Variants in AUTS2 observed in about 807,000 individuals in gnomAD.
AUTS2 encodes the protein autism susceptibility gene 2 protein.
AUTS2 carries 17 observed loss-of-function variants against 112.4 expected under a neutral mutation model. The ratio of observed to expected loss-of-function variants is 0.15; its 90% CI spans 0.10 to 0.23. The LOEUF (loss-of-function observed/expected upper bound fraction) is 0.23. Among genes scored for constraint, AUTS2 ranks in the 10% least tolerant of loss-of-function variants. The pLI, the probability that AUTS2 is intolerant of heterozygous loss-of-function variation, is 1.00. For missense variants in AUTS2, 1,510 were observed against 1,701.6 expected, an observed-to-expected ratio of 0.89 and a Z score of 1.98; for synonymous variants, 751 against 702.7, an observed-to-expected ratio of 1.07 and a Z score of -1.09.
chr7:70,526,807 C>T lies in AUTS2; in HGVS notation c.690+91026C>T, dbSNP rs547280193. Reference sequence around the variant, plus strand: ...CTGCCTTATGTGTGCCTTTGAAGTTCCTGCCCTTGCCTCCTCTCTCCCGAC... The same window carrying T: ...CTGCCTTATGTGTGCCTTTGAAGTTTCTGCCCTTGCCTCCTCTCTCCCGAC... On this transcript the variant is annotated intron_variant, in intron 5 of 18. Transcript: ENST00000342771. 1.9e-4 allele frequency among the ~76,000 whole-genome samples: 29 copies of T among 152,316 alleles called. No individual in the cohort carries two copies. In the South Asian group the frequency reaches 6.0e-3, roughly 32 times the overall value.
intron 1 of AUTS2, among the ~76,000 whole-genome samples, chr7:69,759,062 C>T (rs1296532317): frequency 6.6e-6 from 1 of 152,068 alleles, no homozygotes; most frequent in East Asian, 1.9e-4. Flanking sequence ...ACCTGACAAC[C>T]CTACCAGATG....
intron 5 of AUTS2, among the ~76,000 whole-genome samples, chr7:70,664,472 C>T (rs1282518230): frequency 2.0e-5 from 3 of 152,156 alleles, no homozygotes; most frequent in East Asian, 1.9e-4. Context: ...CAAACATGCC[C>T]ATTAGCTTTC....
At chr7:69,671,805 T>C (rs1281134130) in intron 1 of AUTS2, among the ~76,000 whole-genome samples, 1 of 152,110 alleles carries the variant, frequency 6.6e-6, no homozygotes, top group Admixed American at 6.5e-5. Flanking sequence ...TTATTTTATT[T>C]TATTTTATTT....
chr7:70,757,700 C>T (rs974931522), intron 6 of AUTS2, among the ~76,000 whole-genome samples: 3 of 150,672 alleles, frequency 2.0e-5, no homozygotes, highest in Admixed American at 6.6e-5. Context: ...TGCATATATA[C>T]ACACACACAC....
At chr7:70,509,734 G>A (rs1799107163) in intron 5 of AUTS2, among the ~76,000 whole-genome samples, 1 of 152,230 alleles carries the variant, frequency 6.6e-6, no homozygotes, top group East Asian at 1.9e-4. Flanking sequence ...GACCAATGCA[G>A]CCATTTTACT....
intron 2 of AUTS2, among the ~76,000 whole-genome samples, chr7:69,959,830 G>C (rs576089612): frequency 6.6e-6 from 1 of 152,066 alleles, no homozygotes; most frequent in African/African-American, 2.4e-5. Context: ...TGTTTCTATA[G>C]AACTCTGTAC....
chr7:70,645,184 A>G (rs1169454616), intron 5 of AUTS2, among the ~76,000 whole-genome samples: 2 of 152,026 alleles, frequency 1.3e-5, no homozygotes, highest in Non-Finnish European at 2.9e-5. Context: ...CATTCAAATG[A>G]GGCTTTCATG....
chr7:70,064,178 T>C (rs1193094907), intron 2 of AUTS2, among the ~76,000 whole-genome samples: 2 of 152,182 alleles, frequency 1.3e-5, no homozygotes, highest in Non-Finnish European at 2.9e-5. Context: ...GTCTGTCCTC[T>C]GTCAAGGGCT....
chr7:70,278,027 GT>G lies in AUTS2; in HGVS notation c.660+143460del, dbSNP rs1243546180. ...GAATGCTTAGTAGGCATTTGGAGAA[GT>G]TTTGGGTGATTGGTAACATGAACCA... On this transcript the variant is annotated intron_variant, in intron 4 of 18. Coordinates refer to ENST00000342771, the MANE Select transcript of AUTS2 (RefSeq NM_015570.4). Among the ~76,000 whole-genome samples the G allele has an allele frequency of 2.0e-5, 3 of 151,438 alleles. No individual in the cohort carries two copies. The East Asian group carries it at 5.8e-4, about 29-fold the overall frequency.
chr7:69,614,154 C>A (rs1267491302), intron 1 of AUTS2, among the ~76,000 whole-genome samples: 2 of 152,064 alleles, frequency 1.3e-5, no homozygotes, highest in Non-Finnish European at 2.9e-5. Flanking sequence ...TGGGACTTCA[C>A]GATTCAGAAC....
chr7:69,948,293 A>T (rs550815207), intron 2 of AUTS2, among the ~76,000 whole-genome samples: 1 of 152,304 alleles, frequency 6.6e-6, no homozygotes, highest in East Asian at 1.9e-4. Context: ...AATCCACTTC[A>T]CTGGATAGCA....
At chr7:70,640,820 A>C (rs1029592599) in intron 5 of AUTS2, among the ~76,000 whole-genome samples, 1 of 152,200 alleles carries the variant, frequency 6.6e-6, no homozygotes, top group Non-Finnish European at 1.5e-5. Flanking sequence ...GCTGTCCACC[A>C]GGCAGGCCCT....
At chr7:70,745,104 G>A (rs551029326) in intron 6 of AUTS2, among the ~76,000 whole-genome samples, 2 of 151,798 alleles carry the variant, frequency 1.3e-5, no homozygotes, top group African/African-American at 2.4e-5. Flanking sequence ...CTTATTATAC[G>A]TTTCTGTATT....
chr7:70,110,740 A>G (rs1248557593), intron 2 of AUTS2, among the ~76,000 whole-genome samples: 1 of 152,102 alleles, frequency 6.6e-6, no homozygotes, highest in Admixed American at 6.5e-5. Context: ...ATAACTTTCC[A>G]AAGTCCAAAC....
intron 4 of AUTS2, among the ~76,000 whole-genome samples, chr7:70,188,053 A>T (rs1809699398): frequency 6.6e-6 from 1 of 152,206 alleles, no homozygotes; most frequent in South Asian, 2.1e-4. Flanking sequence ...GTTAATTAAC[A>T]GGTGATAAAC....
intron 1 of AUTS2, among the ~76,000 whole-genome samples, chr7:69,889,196 A>G (rs1203138563): frequency 6.6e-6 from 1 of 152,164 alleles, no homozygotes. Context: ...TACCAGGTCC[A>G]GTTCTAATTC....
chr7:70,168,333 G>A (rs1442750873), intron 4 of AUTS2, among the ~76,000 whole-genome samples: 1 of 152,156 alleles, frequency 6.6e-6, no homozygotes, highest in Non-Finnish European at 1.5e-5. Flanking sequence ...TCAGCTGCCT[G>A]GGTAGGAAGC....
At chr7:70,476,834 C>T (rs986800323) in intron 5 of AUTS2, among the ~76,000 whole-genome samples, 1 of 152,218 alleles carries the variant, frequency 6.6e-6, no homozygotes, top group Admixed American at 6.5e-5. Context: ...TGCCTGAGGT[C>T]ACTCAGTGAA....
chr7:69,910,438 G>T (rs555120564), intron 2 of AUTS2, among the ~76,000 whole-genome samples: 51 of 152,176 alleles, frequency 3.4e-4, no homozygotes, highest in African/African-American at 1.2e-3. Context: ...TCTTTTCCAC[G>T]CTGCCAATAG....
Sources: gnomAD v4.1 joint callset for allele counts (sites outside exome capture counted in the v4.1 genomes callset) on GRCh38, gnomAD v4.1.1 for gene constraint, MANE v1.5 for transcripts, NCBI Gene and HGNC (gene_info 2026-07-23, HGNC 2026-07-21) for gene names.